NPM2: variants seen among roughly 807,000 people sequenced by gnomAD.
NPM2 encodes the protein nucleoplasmin-2.
NPM2 carries 25 observed loss-of-function variants against 32.0 expected under a neutral mutation model. The ratio of observed to expected loss-of-function variants is 0.78; its 90% CI spans 0.57 to 1.09. The LOEUF is 1.09. NPM2 is among the 50% of genes least tolerant of loss of function. NPM2 has a pLI of 0.00. For missense variants in NPM2, 282 were observed against 259.9 expected (o/e 1.08, Z -0.58); for synonymous variants, 111 against 94.2 (o/e 1.18, Z -1.04).
At chr8:22,028,594 T>C (rs1057086028) in intron 5 of NPM2, among the ~76,000 whole-genome samples, 1 of 151,598 alleles carries the variant, frequency 6.6e-6, no homozygotes, top group African/African-American at 2.4e-5. Flanking sequence ...CCTCCCAAAG[T>C]GCTGAGATTA....
At chr8:22,036,236 C>T (rs1055503482) in intron 8 of NPM2, 30 of 460,292 alleles carry the variant, frequency 6.5e-5, no homozygotes, top group African/African-American at 4.8e-4. Context: ...GCAACAGAAC[C>T]AGACTCCATC....
At chr8:22,034,012 G>C in intron 6 of NPM2, 97 bp from the exon 7 acceptor site, 2 of 1,497,530 alleles carry the variant, frequency 1.3e-6, no homozygotes, top group Non-Finnish European at 1.8e-6. Flanking sequence ...TTCCTCCAGG[G>C]CAGTGCTTGG....
chr8:22,035,053 A>G (rs368646291), intron 8 of NPM2, among the ~76,000 whole-genome samples: 1 of 152,182 alleles, frequency 6.6e-6, no homozygotes, highest in Admixed American at 6.5e-5. Context: ...CAGTGAGCCG[A>G]GATCGTGCCA....
chr8:22,032,845 G>A (rs1179017649), intron 5 of NPM2, among the ~76,000 whole-genome samples: 2 of 152,032 alleles, frequency 1.3e-5, no homozygotes, highest in Non-Finnish European at 2.9e-5. Flanking sequence ...TGGAGGATAG[G>A]GCTTCAACAT....
chr8:22,035,755 A>G (rs1800597436), intron 8 of NPM2, among the ~76,000 whole-genome samples: 1 of 152,092 alleles, frequency 6.6e-6, no homozygotes, highest in Non-Finnish European at 1.5e-5. Flanking sequence ...CCAACATAGC[A>G]AAACCCTGTC....
Position 22,028,530 on chromosome 8 carries a change from A to C in NPM2, c.270+2758A>C, listed in dbSNP as rs185231592. The stretch of plus-strand genomic sequence containing the variant: ...TTTTTAGTAGAGACGGGGTTTCACC[A>C]TGTTGGCCAGGCTGGTCTTGAACTT... On this transcript the variant is annotated intron_variant, in intron 5 of 9. Transcript: ENST00000518119. 5.2e-3 allele frequency among the ~76,000 whole-genome samples: 754 copies of C among 145,624 alleles called. 31 individuals carry two copies. The East Asian group carries it at 0.093, about 18-fold the overall frequency.
chr8:22,031,246 G>A (rs1337429356), intron 5 of NPM2, among the ~76,000 whole-genome samples: 3 of 152,134 alleles, frequency 2.0e-5, no homozygotes, highest in African/African-American at 7.2e-5. Flanking sequence ...TGGTGGCTAG[G>A]GTTTTGATTT....
intron 5 of NPM2, among the ~76,000 whole-genome samples, chr8:22,032,400 A>G (rs890645618): frequency 3.9e-5 from 6 of 152,182 alleles, no homozygotes; most frequent in Non-Finnish European, 8.8e-5. Context: ...GCTCGTGTGT[A>G]AGGTGTGCCT....
chr8:22,036,760 G>GC lies in NPM2; in HGVS notation c.*82dup. 7.1e-7 allele frequency: 1 copy of GC among 1,414,248 alleles called. No individual in the cohort carries two copies. The highest frequency in any genetic ancestry group is 1.5e-5 in the African/African-American group (1 of 68,610). 87.6% of individuals were successfully genotyped at this position (1,414,248 alleles called of 1,614,324 possible). ...TGCAGGCACAGGGTGCCCCTGTCCAGCCCCTCCACCTGTGTCTGAATGCAA... is the reference window on the plus strand; with the variant it reads ...TGCAGGCACAGGGTGCCCCTGTCCAGCCCCCTCCACCTGTGTCTGAATGCAA... On this transcript the variant is annotated 3_prime_UTR_variant, in exon 10 of 10. Transcript: ENST00000518119.
At chr8:22,036,085 T>C (rs564418668) in intron 8 of NPM2, among the ~76,000 whole-genome samples, 1 of 152,000 alleles carries the variant, frequency 6.6e-6, no homozygotes, top group East Asian at 1.9e-4. Context: ...TATTTTATAA[T>C]GAAAAAGACA....
chr8:22,034,131 G>A lies in NPM2; in HGVS notation c.387G>A (p.Glu129=). 2 of 1,605,726 alleles carry A rather than the reference G, an allele frequency of 1.2e-6. No individual in the cohort carries two copies. The highest frequency in any genetic ancestry group is 2.3e-5 in the South Asian group (2 of 88,674). Residue 129 remains glutamate (E), a synonymous_variant, in exon 7 of 10, where the codon GAG becomes GAA. Transcript: ENST00000518119. ...CAGAAGCATCAGACCTAACCTGGGA[G>A]GAGGAGGAGGAAGAAGAAGGGGAGG... ...ERYEASDLTW[E]EEEEEEGEEE...
chr8:22,032,990 G>A, intron 5 of NPM2, 140 bp from the exon 6 acceptor site: 1 of 649,354 alleles, frequency 1.5e-6, no homozygotes, highest in Non-Finnish European at 2.8e-6. Context: ...TCAAATTCTT[G>A]GACAGAATCC....
At chr8:22,027,219 G>A (rs992925255) in intron 5 of NPM2, among the ~76,000 whole-genome samples, 10 of 152,148 alleles carry the variant, frequency 6.6e-5, no homozygotes, top group African/African-American at 1.9e-4. Context: ...ACTGAGGGTG[G>A]AGGGTTCTCT....
At chr8:22,026,212 C>G (rs1470953075) in intron 5 of NPM2, among the ~76,000 whole-genome samples, 1 of 152,074 alleles carries the variant, frequency 6.6e-6, no homozygotes, top group African/African-American at 2.4e-5. Context: ...AATGCCTGAT[C>G]TGAGGTGGAG....
chr8:22,034,868 GAGGCTA>G (rs1483732928), intron 8 of NPM2, among the ~76,000 whole-genome samples: 4 of 152,204 alleles, frequency 2.6e-5, no homozygotes, highest in African/African-American at 4.8e-5. Flanking sequence ...AGCACTTTGG[GAGGCTA>G]AGGCAGGCAG....
intron 5 of NPM2, among the ~76,000 whole-genome samples, chr8:22,026,573 G>A (rs545658888): frequency 5.3e-5 from 8 of 150,416 alleles, no homozygotes; most frequent in Admixed American, 4.7e-4. Flanking sequence ...TAGTGCCTCA[G>A]CCTTCGGAGT....
rs774481145 is a variant in NPM2, at chr8:22,025,777, G to T, written c.270+5G>T. ...CAGGCCTCAGTCCTCCCCATGGTGC[G>T]CATTTCCCTGCTGGCTGGAAGACTG... On this transcript the variant is annotated splice_donor_5th_base_variant and intron_variant, in intron 5 of 9. Coordinates refer to ENST00000518119, the MANE Select transcript of NPM2 (RefSeq NM_001286680.2). 5 of 1,613,736 alleles carry T rather than the reference G, an allele frequency of 3.1e-6. No individual in the cohort carries two copies. The African/African-American group carries it at 5.3e-5, about 17-fold the overall frequency.
At chr8:22,033,309 G>A in intron 6 of NPM2, 86 bp downstream of exon 6, 1 of 1,055,916 alleles carries the variant, frequency 9.5e-7, no homozygotes, top group East Asian at 2.4e-5. Flanking sequence ...AACACTGGAG[G>A]GATTCTTGAA....
chr8:22,026,221 A>G (rs1474276713), intron 5 of NPM2, among the ~76,000 whole-genome samples: 1 of 152,004 alleles, frequency 6.6e-6, no homozygotes, highest in East Asian at 1.9e-4. Flanking sequence ...TCTGAGGTGG[A>G]GCAGTTTCAT....
Sources: allele counts gnomAD v4.1 joint callset (sites outside exome capture counted in the v4.1 genomes callset), GRCh38; gene constraint gnomAD v4.1.1; transcripts MANE v1.5; gene names NCBI Gene and HGNC (gene_info 2026-07-23, HGNC 2026-07-21).